Variants in RIN3 observed in about 807,000 individuals in gnomAD.
The protein encoded by RIN3 is RAB5 interacting protein 3.
In RIN3, 54 loss-of-function variants were observed where a neutral mutation model predicts 76.3. That is an observed-to-expected ratio of 0.71 (90% CI 0.57 to 0.89). RIN3 has a LOEUF of 0.89. RIN3 is among the 40% of genes least tolerant of loss of function. The pLI is 0.00. For synonymous variants in RIN3, 576 were observed against 564.0 expected (o/e 1.02, Z -0.30); for missense variants, 1,256 against 1,322.1 (o/e 0.95, Z 0.78).
rs549132049 is a variant in RIN3, at chr14:92,662,175, G to A, written c.2335+2706G>A. Among the ~76,000 whole-genome samples the A allele has an allele frequency of 8.5e-4, 129 of 152,360 alleles. 1 individual carries two copies. The highest frequency in any genetic ancestry group is 2.9e-3 in the African/African-American group (121 of 41,582). On this transcript the variant is annotated intron_variant, in intron 7 of 9. Transcript: ENST00000216487. The stretch of plus-strand genomic sequence containing the variant: ...CCTCATGGCCTGGCAAAGGGTGTCC[G>A]AGAATGAGCGGGGCCTTCTCAAGCC...
At chr14:92,556,048 C>G in intron 2 of RIN3, 93 bp downstream of exon 2, 1 of 1,038,608 alleles carries the variant, frequency 9.6e-7, no homozygotes, top group East Asian at 2.4e-5. Context: ...AGGGAAGCAG[C>G]TACCATGCAG....
At chr14:92,590,831 G>A (rs1239312957) in intron 3 of RIN3, among the ~76,000 whole-genome samples, 1 of 152,116 alleles carries the variant, frequency 6.6e-6, no homozygotes, top group Non-Finnish European at 1.5e-5. Flanking sequence ...CTTACCCATA[G>A]GATTTAGAAC....
intron 1 of RIN3, among the ~76,000 whole-genome samples, chr14:92,529,739 G>A (rs1896834917): frequency 6.6e-6 from 1 of 152,030 alleles, no homozygotes. Context: ...GCTTTTTTTG[G>A]TGGTTTCACT....
chr14:92,548,845 A>C (rs538624963), intron 1 of RIN3, among the ~76,000 whole-genome samples: 1 of 151,946 alleles, frequency 6.6e-6, no homozygotes, highest in African/African-American at 2.4e-5. Context: ...GGATTTGCAC[A>C]TATCTTCTCG....
At chr14:92,616,158 T>C (rs1885955713) in intron 4 of RIN3, 1 of 151,966 alleles carries the variant, frequency 6.6e-6, no homozygotes, top group African/African-American at 2.4e-5. Flanking sequence ...GCAGGAAAAA[T>C]GAGGCTGATA....
chr14:92,556,314 A>C (rs929299884), intron 2 of RIN3, among the ~76,000 whole-genome samples: 4 of 151,830 alleles, frequency 2.6e-5, no homozygotes, highest in Non-Finnish European at 5.9e-5. Flanking sequence ...TCCAGGGTCC[A>C]GAGAGTGTCA....
chr14:92,551,441 T>C (rs1185818076), intron 1 of RIN3, among the ~76,000 whole-genome samples: 2 of 152,214 alleles, frequency 1.3e-5, no homozygotes, highest in African/African-American at 4.8e-5. Flanking sequence ...GGACGTATAC[T>C]GTCATTTCCC....
chr14:92,569,396 C>T (rs2140049908), intron 2 of RIN3, among the ~76,000 whole-genome samples: 1 of 152,236 alleles, frequency 6.6e-6, no homozygotes, highest in East Asian at 1.9e-4. Context: ...TTTTTTGTTT[C>T]TGCTGGGTGG....
At chr14:92,599,229 G>A (rs11160077) in intron 3 of RIN3, among the ~76,000 whole-genome samples, 16,323 of 147,946 alleles carry the variant, frequency 0.11, 1,240 homozygotes, top group East Asian at 0.46. Flanking sequence ...CTGCTAAACA[G>A]AAGCCCCCCG....
chr14:92,578,946 A>G (rs1324637427), intron 3 of RIN3, among the ~76,000 whole-genome samples: 3 of 148,710 alleles, frequency 2.0e-5, no homozygotes, highest in African/African-American at 7.5e-5. Flanking sequence ...TTTTTTTTTG[A>G]GATGGAGTTT....
At chr14:92,624,874 T>G (rs912049752) in intron 4 of RIN3, among the ~76,000 whole-genome samples, 1 of 152,196 alleles carries the variant, frequency 6.6e-6, no homozygotes, top group South Asian at 2.1e-4. Flanking sequence ...TCGGGTGTGA[T>G]GGGTCCATCC....
intron 9 of RIN3, 40 bp from the exon 10 acceptor site, chr14:92,687,886 A>AG: frequency 1.4e-6 from 2 of 1,480,290 alleles, no homozygotes; most frequent in Non-Finnish European, 1.8e-6. Flanking sequence ...CTGAGGAGAC[A>AG]GGGCCCCGCC....
chr14:92,654,322 AAAAAG>A (rs1337837320), intron 6 of RIN3, among the ~76,000 whole-genome samples: 17 of 126,816 alleles, frequency 1.3e-4, no homozygotes, highest in Admixed American at 1.6e-4. Context: ...CTAAAAAAAA[AAAAAG>A]AAAAGAAAAG....
At chr14:92,527,576 G>A (rs1475033877) in intron 1 of RIN3, among the ~76,000 whole-genome samples, 3 of 152,118 alleles carry the variant, frequency 2.0e-5, no homozygotes, top group Non-Finnish European at 2.9e-5. Context: ...GTTTCTGCAC[G>A]TTTTGACAAA....
At position 92,659,324 on chromosome 14, in the gene RIN3, C is replaced by T. The variant is rs754257209; in HGVS notation, c.2190C>T (p.Thr730=). The change falls in exon 7 of 10, where the codon ACC becomes ACT. Residue 730 remains threonine, a synonymous_variant. Coordinates refer to ENST00000216487, the MANE Select transcript of RIN3 (RefSeq NM_024832.5). ...LATTTTDLGV[T]TSVPEVPMME... is the part of the protein sequence containing the mutation. ...CCACCACCACTGACCTAGGTGTGAC[C>T]ACCAGCGTGCCGGAGGTGCCCATGA... 2.5e-6 allele frequency: 4 copies of T among 1,612,666 alleles called. No homozygotes were observed. The highest frequency in any genetic ancestry group is 3.4e-6 in the Non-Finnish European group (4 of 1,179,222).
intron 4 of RIN3, among the ~76,000 whole-genome samples, chr14:92,637,576 C>A (rs976204049): frequency 1.3e-5 from 2 of 152,122 alleles, no homozygotes; most frequent in Non-Finnish European, 2.9e-5. Context: ...AGGACCTGCA[C>A]ATTTTAAGCA....
intron 4 of RIN3, among the ~76,000 whole-genome samples, chr14:92,625,159 A>C (rs1862099575): frequency 6.6e-6 from 1 of 152,192 alleles, no homozygotes; most frequent in Admixed American, 6.5e-5. Flanking sequence ...TAAGTATGGT[A>C]ACCTATAGAG....
intron 6 of RIN3, among the ~76,000 whole-genome samples, chr14:92,657,687 C>T (rs1035435352): frequency 1.3e-5 from 2 of 152,164 alleles, no homozygotes; most frequent in South Asian, 2.1e-4. Context: ...CCCCCATCTG[C>T]GCCCATCTCT....
At chr14:92,567,627 T>G (rs1220606111) in intron 2 of RIN3, among the ~76,000 whole-genome samples, 1 of 72,126 alleles carries the variant, frequency 1.4e-5, no homozygotes, top group Non-Finnish European at 3.4e-5. Flanking sequence ...CTGCTGCATT[T>G]TTTTTTTTTT....
Sources: allele counts gnomAD v4.1 joint callset (sites outside exome capture counted in the v4.1 genomes callset), GRCh38; gene constraint gnomAD v4.1.1; transcripts MANE v1.5; gene names NCBI Gene and HGNC (gene_info 2026-07-23, HGNC 2026-07-21).